WDR62: variants seen among roughly 807,000 people sequenced by gnomAD.
WDR62 encodes WD repeat domain 62, also known as WD repeat-containing protein 62.
WDR62 carries 112 observed loss-of-function variants against 160.6 expected under a neutral mutation model. That is an observed-to-expected ratio of 0.70 (90% CI 0.60 to 0.82). WDR62 has a LOEUF of 0.82. WDR62 is among the 40% of genes least tolerant of loss of function. The pLI, the probability that WDR62 is intolerant of heterozygous loss-of-function variation, is 0.00. For synonymous variants in WDR62, 792 were observed against 815.1 expected, an observed-to-expected ratio of 0.97 and a Z score of 0.48; for missense variants, 1,819 against 1,983.8, an observed-to-expected ratio of 0.92 and a Z score of 1.58.
intron 2 of WDR62, 160 bp downstream of exon 2, chr19:36,059,031 C>T (rs955910146): frequency 5.5e-6 from 4 of 728,100 alleles, no homozygotes; most frequent in Admixed American, 2.0e-5. Context: ...CCATAGCCCC[C>T]TCTCTGTCTA....
chr19:36,069,494 C>T (rs969325343), intron 7 of WDR62, among the ~76,000 whole-genome samples: 3 of 151,462 alleles, frequency 2.0e-5, no homozygotes, highest in Non-Finnish European at 2.9e-5. Context: ...AGAGGCGCTC[C>T]TCACTTCCCA....
intron 20 of WDR62, among the ~76,000 whole-genome samples, chr19:36,096,458 C>G (rs1380035365): frequency 6.6e-6 from 1 of 152,104 alleles, no homozygotes; most frequent in Non-Finnish European, 1.5e-5. Flanking sequence ...GTAATCCCAG[C>G]ACTTTGGGAG....
chr19:36,092,131 A>G (rs2145790263), intron 18 of WDR62, among the ~76,000 whole-genome samples: 1 of 151,990 alleles, frequency 6.6e-6, no homozygotes, highest in East Asian at 1.9e-4. Flanking sequence ...GTCAACATGG[A>G]GAAACTGTGT....
intron 13 of WDR62, among the ~76,000 whole-genome samples, chr19:36,087,936 C>T (rs1972350341): frequency 6.6e-6 from 1 of 152,194 alleles, no homozygotes; most frequent in African/African-American, 2.4e-5. Context: ...TCTAATTGCT[C>T]ATGGTCGTAA....
At chr19:36,057,644 G>A (rs12462159) in intron 1 of WDR62, among the ~76,000 whole-genome samples, 113,093 of 152,018 alleles carry the variant, frequency 0.74, 42,369 homozygotes, top group East Asian at 0.82. Context: ...CCTCCTGAGT[G>A]CCTGGGATTA....
intron 20 of WDR62, among the ~76,000 whole-genome samples, chr19:36,095,935 C>A (rs1435645065): frequency 6.6e-6 from 1 of 152,198 alleles, no homozygotes; most frequent in Non-Finnish European, 1.5e-5. Flanking sequence ...TTATTCCCCT[C>A]CAGGTGGCCA....
chr19:36,080,142 C>T (rs1217397154), intron 9 of WDR62, among the ~76,000 whole-genome samples: 1 of 151,114 alleles, frequency 6.6e-6, no homozygotes, highest in East Asian at 1.9e-4. Flanking sequence ...GAGTCTCCCT[C>T]TGCCGCCCAG....
chr19:36,102,186 G>A lies in WDR62; in HGVS notation c.3220+35G>A, dbSNP rs117696985. On this transcript the variant is annotated intron_variant, in intron 26 of 31. Coordinates refer to ENST00000401500, the MANE Select transcript of WDR62 (RefSeq NM_001083961.2). The stretch of plus-strand genomic sequence containing the variant: ...TGCCTCACCCACACCTGCCGAGGCC[G>A]TCTGTGCAGCCTGGGCACAGCATTG... 4,141 of 1,613,748 alleles carry A rather than the reference G, an allele frequency of 2.6e-3. 7 individuals carry two copies. The highest frequency in any genetic ancestry group is 8.0e-3 in the East Asian group (358 of 44,876).
At chr19:36,088,019 C>G (rs1156417706) in intron 13 of WDR62, among the ~76,000 whole-genome samples, 1 of 152,174 alleles carries the variant, frequency 6.6e-6, no homozygotes, top group Non-Finnish European at 1.5e-5. Flanking sequence ...GCTTGCAGGC[C>G]TTCTCTGGGT....
At position 36,073,719 on chromosome 19, in the gene WDR62, A is replaced by T. The variant is rs983946915; in HGVS notation, c.1233+188A>T. On this transcript the variant is annotated intron_variant, in intron 9 of 31. Transcript: ENST00000401500. ...TAACAAGCTCACATTTGGATGGGAA[A>T]GGAAACCTGGAAACATCATCAGTGA... The T allele has an allele frequency of 8.8e-6, 6 of 680,638 alleles. No individual in the cohort carries two copies. The Admixed American group carries it at 1.2e-4, about 14-fold the overall frequency. 42.2% of individuals were successfully genotyped at this position (680,638 alleles called of 1,614,324 possible). A position where few individuals can be genotyped will look rare whatever the true frequency, so the allele number is the denominator to read the frequency against.
intron 8 of WDR62, 131 bp downstream of exon 8, chr19:36,071,847 G>A: frequency 1.6e-6 from 2 of 1,262,586 alleles, no homozygotes; most frequent in Non-Finnish European, 2.1e-6. Context: ...TCAGCCCTGG[G>A]CATTACAAAG....
At chr19:36,097,170 C>G (rs1415114719) in intron 21 of WDR62, 91 bp downstream of exon 21, 1 of 1,246,550 alleles carries the variant, frequency 8.0e-7, no homozygotes, top group African/African-American at 1.5e-5. Flanking sequence ...CTTTCCATGT[C>G]CCTCTTTTCC....
At chr19:36,069,363 C>T (rs956545907) in intron 7 of WDR62, among the ~76,000 whole-genome samples, 1 of 151,910 alleles carries the variant, frequency 6.6e-6, no homozygotes, top group Non-Finnish European at 1.5e-5. Flanking sequence ...GGGTCGCGGC[C>T]GGGTAGAGGC....
chr19:36,105,046 C>G lies in WDR62; in HGVS notation c.*18C>G. ...GGCACTGAGGGCGCAGCCCCTCCACCGCAGCCCTGCTGCTTCTGAGGACTT... is the reference window on the plus strand; with the variant it reads ...GGCACTGAGGGCGCAGCCCCTCCACGGCAGCCCTGCTGCTTCTGAGGACTT... On this transcript the variant is annotated 3_prime_UTR_variant, in exon 32 of 32. Transcript: ENST00000401500. 2 of 1,588,218 alleles carry G rather than the reference C, an allele frequency of 1.3e-6. No homozygotes were observed. The highest frequency in any genetic ancestry group is 2.2e-5 in the East Asian group (1 of 44,496).
intron 13 of WDR62, among the ~76,000 whole-genome samples, chr19:36,087,686 G>A (rs752375440): frequency 6.6e-6 from 1 of 151,934 alleles, no homozygotes; most frequent in East Asian, 1.9e-4. Context: ...GGGCATGGTG[G>A]TGCACACCTG....
intron 9 of WDR62, among the ~76,000 whole-genome samples, chr19:36,077,928 T>G (rs1359531184): frequency 4.6e-5 from 7 of 152,082 alleles, no homozygotes; most frequent in Admixed American, 4.6e-4. Flanking sequence ...TCATAGACTA[T>G]GTGGGCTTTT....
In WDR62 at chr19:36,099,529, GCTACTTTACC is replaced by G; in HGVS notation, c.2653_2662del (p.Tyr885ProfsTer2). ...ATCCTGGATGCCCAGGACCTGGATT[GCTACTTTACC>G]CCCATGAAGCCCGAGAGTCTGGAGA... On this transcript the variant is annotated frameshift_variant, in exon 22 of 32. Coordinates refer to ENST00000401500, the MANE Select transcript of WDR62 (RefSeq NM_001083961.2). LOFTEE classifies it high-confidence loss of function. 6.2e-7 allele frequency: 1 copy of G among 1,614,184 alleles called. No individual in the cohort carries two copies. The highest frequency in any genetic ancestry group is 8.5e-7 in the Non-Finnish European group (1 of 1,180,036).
At chr19:36,086,859 TA>T in intron 13 of WDR62, 47 bp downstream of exon 13, 1 of 1,591,984 alleles carries the variant, frequency 6.3e-7, no homozygotes. Context: ...GCTACCCTGC[TA>T]AAAAAGGATT....
At chr19:36,089,149 C>T (rs200342406) in intron 14 of WDR62, 36 bp from the exon 15 acceptor site, 164 of 1,612,586 alleles carry the variant, frequency 1.0e-4, no homozygotes, top group Non-Finnish European at 1.2e-4. Context: ...GGGGGGTTGT[C>T]GGGGCATTCT....
Sources: gnomAD v4.1 joint callset for allele counts (sites outside exome capture counted in the v4.1 genomes callset) on GRCh38, gnomAD v4.1.1 for gene constraint, MANE v1.5 for transcripts, NCBI Gene and HGNC (gene_info 2026-07-23, HGNC 2026-07-21) for gene names.